Variants in DGKG observed in about 807,000 individuals in gnomAD.
DGKG encodes DAG kinase gamma.
DGKG carries 78 observed loss-of-function variants against 105.3 expected under a neutral mutation model. The observed-to-expected ratio is 0.74, with a 90% CI of 0.62 to 0.89. The LOEUF (loss-of-function observed/expected upper bound fraction) is 0.89, where lower values mean the gene tolerates loss of function less well. DGKG is among the 40% of genes least tolerant of loss of function. The pLI, the probability that DGKG is intolerant of heterozygous loss-of-function variation, is 0.00. For synonymous variants in DGKG, 346 were observed against 367.1 expected (o/e 0.94, Z 0.66); for missense variants, 958 against 1,020.1 (o/e 0.94, Z 0.83).
At chr3:186,220,501 C>T (rs1719512055) in intron 20 of DGKG, among the ~76,000 whole-genome samples, 1 of 152,164 alleles carries the variant, frequency 6.6e-6, no homozygotes, top group Admixed American at 6.5e-5. Flanking sequence ...TGCTATGCCC[C>T]AGAGGCACCT....
At chr3:186,351,377 T>C (rs888336017) in intron 1 of DGKG, among the ~76,000 whole-genome samples, 6 of 152,222 alleles carry the variant, frequency 3.9e-5, no homozygotes, top group Non-Finnish European at 8.8e-5. Context: ...GAAAGTGGTA[T>C]CCCTGCACCA....
chr3:186,288,409 G>A (rs2108603303), intron 6 of DGKG, among the ~76,000 whole-genome samples: 1 of 152,334 alleles, frequency 6.6e-6, no homozygotes, highest in East Asian at 1.9e-4. Context: ...AGGAAGTCCT[G>A]CCAGCAAAGC....
intron 19 of DGKG, among the ~76,000 whole-genome samples, chr3:186,250,912 A>AC (rs1398539489): frequency 1.3e-5 from 2 of 150,974 alleles, no homozygotes; most frequent in Non-Finnish European, 3.0e-5. Flanking sequence ...CCCCCTCCCA[A>AC]CCCCCAGCTT....
chr3:186,200,146 A>G (rs1029374947), intron 21 of DGKG, among the ~76,000 whole-genome samples: 3 of 152,198 alleles, frequency 2.0e-5, no homozygotes, highest in African/African-American at 7.2e-5. Context: ...CAAGTCCTCT[A>G]AGGAACTGAG....
chr3:186,318,521 G>A (rs1387527606), intron 2 of DGKG, among the ~76,000 whole-genome samples: 1 of 152,154 alleles, frequency 6.6e-6, no homozygotes, highest in Non-Finnish European at 1.5e-5. Flanking sequence ...CAATAACTCA[G>A]GATGTAACCT....
intron 6 of DGKG, 91 bp downstream of exon 6, chr3:186,288,619 C>G: frequency 7.2e-7 from 1 of 1,388,374 alleles, no homozygotes; most frequent in Non-Finnish European, 1.0e-6. Flanking sequence ...GTGATATCAA[C>G]TCAATCTCCA....
chr3:186,263,960 G>T lies in DGKG; in HGVS notation c.1269+1287C>A, dbSNP rs1427270326. Among the ~76,000 whole-genome samples the T allele has an allele frequency of 3.3e-5, 5 of 152,338 alleles. No individual in the cohort carries two copies. The East Asian group carries it at 7.7e-4, about 24-fold the overall frequency. ...GCATTTCCGATGATCTAAAAAATTTGTCTCACCTGCCCAGGGTGACTATGT... is the reference window on the plus strand; with the variant it reads ...GCATTTCCGATGATCTAAAAAATTTTTCTCACCTGCCCAGGGTGACTATGT... On this transcript the variant is annotated intron_variant, in intron 14 of 24. Transcript: ENST00000265022.
chr3:186,230,427 C>G (rs1049691153), intron 20 of DGKG, among the ~76,000 whole-genome samples: 1 of 152,076 alleles, frequency 6.6e-6, no homozygotes, highest in Non-Finnish European at 1.5e-5. Context: ...GAGATGTCAT[C>G]TAGGTTGAGG....
At chr3:186,197,651 C>G (rs1416738608) in intron 21 of DGKG, among the ~76,000 whole-genome samples, 1 of 152,108 alleles carries the variant, frequency 6.6e-6, no homozygotes, top group Admixed American at 6.5e-5. Context: ...ACGGTGAAGG[C>G]TGGATGCCGT....
chr3:186,160,110 A>G (rs1254823137), intron 24 of DGKG: 20 of 802,002 alleles, frequency 2.5e-5, no homozygotes, highest in Non-Finnish European at 2.9e-5. Flanking sequence ...AGACGAATAT[A>G]CCTTTACATA....
In DGKG at chr3:186,268,937, G is replaced by A. The variant is rs752262490; in HGVS notation, c.1000-20C>T. The A allele has an allele frequency of 1.7e-5, 26 of 1,569,424 alleles. No individual in the cohort carries two copies. The highest frequency in any genetic ancestry group is 2.3e-5 in the Non-Finnish European group (26 of 1,140,240). Reference sequence around the variant, plus strand: ...CATCACCTGCGGGAGGGAAGCGAACGATGCCAGGGAAAATGGCAGAACCAT... The same window carrying A: ...CATCACCTGCGGGAGGGAAGCGAACAATGCCAGGGAAAATGGCAGAACCAT... On this transcript the variant is annotated intron_variant, in intron 11 of 24. Transcript: ENST00000265022.
intron 24 of DGKG, chr3:186,159,262 A>AT (rs1485186922): frequency 6.6e-6 from 1 of 151,902 alleles, no homozygotes; most frequent in Non-Finnish European, 1.5e-5. Context: ...ATTCTTCCAG[A>AT]TTTGAAAGGT....
chr3:186,291,453 A>T (rs1023017224), intron 5 of DGKG, among the ~76,000 whole-genome samples: 6 of 152,222 alleles, frequency 3.9e-5, no homozygotes, highest in Admixed American at 3.9e-4. Context: ...TATTTATAAC[A>T]TTTTTATTTA....
intron 21 of DGKG, among the ~76,000 whole-genome samples, chr3:186,190,180 G>A (rs1459011336): frequency 6.6e-6 from 1 of 152,188 alleles, no homozygotes; most frequent in African/African-American, 2.4e-5. Context: ...CAGAGCCCAA[G>A]TTTTTTATTT....
chr3:186,179,078 G>A (rs971529013), intron 22 of DGKG, among the ~76,000 whole-genome samples: 1 of 152,194 alleles, frequency 6.6e-6, no homozygotes, highest in African/African-American at 2.4e-5. Flanking sequence ...GGCCTGCAGT[G>A]GGACTTGAGA....
chr3:186,158,031 C>T (rs1048724697), intron 24 of DGKG: 1 of 279,792 alleles, frequency 3.6e-6, no homozygotes, highest in Non-Finnish European at 5.4e-6. Flanking sequence ...AAGCCACGGA[C>T]ACAGTTATAT....
At chr3:186,267,146 T>C (rs946214959) in intron 13 of DGKG, among the ~76,000 whole-genome samples, 1 of 152,052 alleles carries the variant, frequency 6.6e-6, no homozygotes. Flanking sequence ...TAGAGGGAGA[T>C]ACTGTTTGGA....
At chr3:186,355,797 G>A (rs528866812) in intron 1 of DGKG, among the ~76,000 whole-genome samples, 1 of 152,224 alleles carries the variant, frequency 6.6e-6, no homozygotes, top group South Asian at 2.1e-4. Context: ...ACCTTCATGA[G>A]AAATAAAGTT....
intron 20 of DGKG, among the ~76,000 whole-genome samples, chr3:186,223,983 T>C (rs1267489388): frequency 6.6e-6 from 1 of 152,218 alleles, no homozygotes; most frequent in Non-Finnish European, 1.5e-5. Context: ...GCTGTAGGTG[T>C]GGCCCCAGTG....
Sources: allele counts gnomAD v4.1 joint callset (sites outside exome capture counted in the v4.1 genomes callset), GRCh38; gene constraint gnomAD v4.1.1; transcripts MANE v1.5; gene names NCBI Gene and HGNC (gene_info 2026-07-23, HGNC 2026-07-21).